Variants in SHISA9 observed in about 807,000 individuals in gnomAD.
SHISA9 encodes protein shisa-9.
Under a neutral mutation model 38.0 loss-of-function variants are expected in SHISA9, and 13 were observed. The observed-to-expected ratio is 0.34, with a 90% CI of 0.22 to 0.54. The LOEUF is 0.54. Among genes scored for constraint, SHISA9 ranks in the 20% least tolerant of loss-of-function variants. The pLI, the probability that SHISA9 is intolerant of heterozygous loss-of-function variation, is 0.91. For missense variants in SHISA9, 538 were observed against 575.8 expected (o/e 0.93, Z 0.67); for synonymous variants, 275 against 242.0 (o/e 1.14, Z -1.27).
the SHISA9 span, among the ~76,000 whole-genome samples, chr16:13,504,333 A>G: frequency 6.6e-6 from 1 of 152,134 alleles, no homozygotes; most frequent in Non-Finnish European, 1.5e-5. Flanking sequence ...AACTGAAATG[A>G]CCACAACTAA....
At chr16:12,998,847 G>A (rs1016663064) in intron 2 of SHISA9, among the ~76,000 whole-genome samples, 1 of 152,152 alleles carries the variant, frequency 6.6e-6, no homozygotes, top group African/African-American at 2.4e-5. Flanking sequence ...TCTTCATAAA[G>A]TACAGTTGAT....
the SHISA9 span, among the ~76,000 whole-genome samples, chr16:13,464,329 A>G: frequency 6.6e-6 from 1 of 152,088 alleles, no homozygotes; most frequent in Admixed American, 6.5e-5. Flanking sequence ...CGATGCCACC[A>G]TTCTTTCACT....
intron 1 of SHISA9, chr16:12,911,517 T>C: frequency 2.6e-6 from 1 of 382,830 alleles, no homozygotes; most frequent in South Asian, 1.0e-4. Context: ...AGCTTGAGGG[T>C]GAAATAAATA....
intron 2 of SHISA9, among the ~76,000 whole-genome samples, chr16:13,156,450 C>T (rs1022688594): frequency 1.3e-5 from 2 of 152,090 alleles, no homozygotes; most frequent in East Asian, 1.9e-4. Context: ...AAATTACTTC[C>T]TTGGCCAGGC....
intron 2 of SHISA9, among the ~76,000 whole-genome samples, chr16:13,137,640 G>C (rs542417022): frequency 5.3e-4 from 81 of 152,158 alleles, no homozygotes; most frequent in African/African-American, 1.9e-3. Context: ...ATTTTTAGTA[G>C]AGATGGGGTT....
At chr16:13,009,441 A>G (rs2072642783) in intron 2 of SHISA9, among the ~76,000 whole-genome samples, 1 of 152,152 alleles carries the variant, frequency 6.6e-6, no homozygotes, top group Non-Finnish European at 1.5e-5. Context: ...CTTGATTTTC[A>G]GGAAGGTCTC....
intron 2 of SHISA9, among the ~76,000 whole-genome samples, chr16:13,028,353 AAGACAT>A (rs1419952102): frequency 6.6e-6 from 1 of 152,194 alleles, no homozygotes; most frequent in African/African-American, 2.4e-5. Flanking sequence ...GCTGCTGATA[AAGACAT>A]ACCGAGACTG....
the SHISA9 span, among the ~76,000 whole-genome samples, chr16:13,530,431 G>T: frequency 6.6e-6 from 1 of 152,076 alleles, no homozygotes; most frequent in African/African-American, 2.4e-5. Flanking sequence ...TGTTTTATGG[G>T]GTTATTGTGT....
rs143118439 is a variant in SHISA9, at chr16:13,054,896, C to T, written c.691+138081C>T. Among the ~76,000 whole-genome samples, 759 of 152,294 alleles carry T rather than the reference C, an allele frequency of 5.0e-3. 3 individuals carry two copies. Among genetic ancestry groups the T allele is most frequent in the Non-Finnish European group, 7.9e-3 (539 of 68,024 alleles). On this transcript the variant is annotated intron_variant, in intron 2 of 4. Coordinates refer to ENST00000558583, the MANE Select transcript of SHISA9 (RefSeq NM_001145204.3). ...TTTGCACATGCTATCCCCACTGGTT[C>T]ACTCTTCTTTCTAGTCTAACCCTAG...
downstream of SHISA9, among the ~76,000 whole-genome samples, chr16:13,240,904 G>T (rs1022923288): frequency 1.3e-5 from 2 of 151,678 alleles, no homozygotes; most frequent in Non-Finnish European, 2.9e-5. Flanking sequence ...CCAGAAAGAG[G>T]CTCGGAGATT....
intron 2 of SHISA9, among the ~76,000 whole-genome samples, chr16:13,032,950 A>G (rs1303998293): frequency 6.6e-6 from 1 of 152,314 alleles, no homozygotes; most frequent in East Asian, 1.9e-4. Context: ...AACTCAAACC[A>G]TGAGATGTTA....
At chr16:13,038,225 T>G (rs1318298420) in intron 2 of SHISA9, among the ~76,000 whole-genome samples, 1 of 152,214 alleles carries the variant, frequency 6.6e-6, no homozygotes, top group East Asian at 1.9e-4. Context: ...CCTGGCCTCA[T>G]GTAATCCAAC....
At chr16:13,265,123 TTCCCC>T in the SHISA9 span, among the ~76,000 whole-genome samples, 3 of 94,078 alleles carry the variant, frequency 3.2e-5, no homozygotes, top group Admixed American at 3.2e-4. Flanking sequence ...TCCCTTCCTG[TTCCCC>T]TCCCCTTCCC....
chr16:13,534,832 CTCTTA>C, the SHISA9 span, among the ~76,000 whole-genome samples: 2 of 152,094 alleles, frequency 1.3e-5, no homozygotes, highest in Admixed American at 1.3e-4. Context: ...TTCTCCTCTC[CTCTTA>C]TCTTTGCCTT....
At chr16:13,430,127 A>T in the SHISA9 span, among the ~76,000 whole-genome samples, 1 of 152,222 alleles carries the variant, frequency 6.6e-6, no homozygotes, top group Non-Finnish European at 1.5e-5. Flanking sequence ...TCAGAAAAAA[A>T]TAACCCTGCT....
the SHISA9 span, among the ~76,000 whole-genome samples, chr16:13,557,238 T>C: frequency 6.6e-6 from 1 of 152,244 alleles, no homozygotes; most frequent in Non-Finnish European, 1.5e-5. Flanking sequence ...TTCTTGAATC[T>C]GAGGTTTTGC....
intron 4 of SHISA9, among the ~76,000 whole-genome samples, chr16:13,218,892 C>T (rs757866168): frequency 2.6e-5 from 4 of 152,152 alleles, no homozygotes; most frequent in Non-Finnish European, 1.5e-5. Flanking sequence ...GAACACCCAT[C>T]GAAAGGCAGC....
intron 2 of SHISA9, among the ~76,000 whole-genome samples, chr16:13,152,336 A>T (rs2050506868): frequency 1.3e-5 from 2 of 152,086 alleles, no homozygotes; most frequent in African/African-American, 4.8e-5. Context: ...TTCTCTGTTT[A>T]TCTCTCTGTG....
intron 2 of SHISA9, among the ~76,000 whole-genome samples, chr16:13,066,604 C>G (rs932222123): frequency 6.6e-6 from 1 of 152,144 alleles, no homozygotes; most frequent in African/African-American, 2.4e-5. Flanking sequence ...CTTCTATAAG[C>G]CTCACATTCT....
Sources: gnomAD v4.1 joint callset for allele counts (sites outside exome capture counted in the v4.1 genomes callset) on GRCh38, gnomAD v4.1.1 for gene constraint, MANE v1.5 for transcripts, NCBI Gene and HGNC (gene_info 2026-07-23, HGNC 2026-07-21) for gene names.